The following LHFPL6 variants were observed in gnomAD, a reference collection of about 807,000 sequenced individuals.
The protein encoded by LHFPL6 is LHFPL tetraspan subfamily member 6 protein.
In LHFPL6, 9 loss-of-function variants were observed where a neutral mutation model predicts 20.6. The observed-to-expected ratio is 0.44, with a 90% CI of 0.26 to 0.76. The LOEUF is 0.76. Among genes scored for constraint, LHFPL6 ranks in the 30% least tolerant of loss-of-function variants. The pLI is 0.20. For missense variants in LHFPL6, 218 were observed against 253.5 expected (o/e 0.86, Z 0.95); for synonymous variants, 105 against 98.7 (o/e 1.06, Z -0.38).
chr13:39,452,587 G>A (rs747776333), intron 2 of LHFPL6, among the ~76,000 whole-genome samples: 13 of 152,310 alleles, frequency 8.5e-5, no homozygotes, highest in Non-Finnish European at 1.6e-4. Context: ...GGAGTGTGGG[G>A]TGACAGGAGG....
chr13:39,529,910 G>T (rs926621695), intron 2 of LHFPL6, among the ~76,000 whole-genome samples: 4 of 152,176 alleles, frequency 2.6e-5, no homozygotes, highest in African/African-American at 9.6e-5. Flanking sequence ...AGTTTTGCAC[G>T]AAGTGTCAAG....
intron 2 of LHFPL6, among the ~76,000 whole-genome samples, chr13:39,459,244 G>A (rs1025762008): frequency 1.4e-5 from 2 of 144,274 alleles, no homozygotes; most frequent in Non-Finnish European, 3.1e-5. Context: ...GTGTGTGTTC[G>A]TGTGTATTGT....
chr13:39,428,741 T>C (rs1311871291), intron 2 of LHFPL6, among the ~76,000 whole-genome samples: 1 of 152,186 alleles, frequency 6.6e-6, no homozygotes, highest in Non-Finnish European at 1.5e-5. Context: ...TTTGAATTTC[T>C]CTTTCTTGTT....
intron 2 of LHFPL6, among the ~76,000 whole-genome samples, chr13:39,504,996 T>C (rs1869424663): frequency 6.6e-6 from 1 of 152,228 alleles, no homozygotes; most frequent in South Asian, 2.1e-4. Context: ...TCTAGTTTTT[T>C]CCATCAACTA....
intron 2 of LHFPL6, among the ~76,000 whole-genome samples, chr13:39,562,417 C>CATATATACATAT (rs57302247): frequency 3.5e-5 from 2 of 57,900 alleles, no homozygotes; most frequent in Non-Finnish European, 7.8e-5. Context: ...CACATATACA[C>CATATATACATAT]ATATACATAT....
At chr13:39,459,966 A>G (rs1872652282) in intron 2 of LHFPL6, among the ~76,000 whole-genome samples, 1 of 152,188 alleles carries the variant, frequency 6.6e-6, no homozygotes. Context: ...TTCCACAATT[A>G]TTACAAAGAA....
At chr13:39,385,459 G>T in intron 2 of LHFPL6, among the ~76,000 whole-genome samples, 1 of 152,270 alleles carries the variant, frequency 6.6e-6, no homozygotes, top group East Asian at 1.9e-4. Flanking sequence ...CTGCTGTGAT[G>T]AAAGTCTGTT....
intron 2 of LHFPL6, among the ~76,000 whole-genome samples, chr13:39,451,997 C>T (rs2138421768): frequency 6.6e-6 from 1 of 152,024 alleles, no homozygotes; most frequent in East Asian, 1.9e-4. Flanking sequence ...TGGACCAGGG[C>T]CATGAACTGA....
chr13:39,589,775 A>G (rs1872547860), intron 2 of LHFPL6, among the ~76,000 whole-genome samples: 1 of 152,188 alleles, frequency 6.6e-6, no homozygotes, highest in Non-Finnish European at 1.5e-5. Context: ...TAGCCAGCAC[A>G]CGATCGTCTG....
chr13:39,459,124 G>C (rs1478816418), intron 2 of LHFPL6, among the ~76,000 whole-genome samples: 7 of 151,926 alleles, frequency 4.6e-5, no homozygotes, highest in African/African-American at 1.7e-4. Flanking sequence ...GGACAAGAGG[G>C]AGATAGATTA....
intron 2 of LHFPL6, among the ~76,000 whole-genome samples, chr13:39,466,883 A>C (rs1872817671): frequency 6.6e-6 from 1 of 152,192 alleles, no homozygotes; most frequent in Non-Finnish European, 1.5e-5. Flanking sequence ...AGTATATGTC[A>C]AATATATAAG....
chr13:39,409,767 A>G (rs1399682259), intron 2 of LHFPL6, among the ~76,000 whole-genome samples: 2 of 152,228 alleles, frequency 1.3e-5, no homozygotes, highest in Non-Finnish European at 2.9e-5. Flanking sequence ...TGGTTAGGGA[A>G]GATATAATGT....
chr13:39,601,280 G>A lies in LHFPL6; in HGVS notation c.-64C>T. On this transcript the variant is annotated 5_prime_UTR_variant, in exon 2 of 4. Transcript: ENST00000379589. ...TTCAGGGACTGCAGGAGTGAATGAA[G>A]GTGTGAAATCACCAGGGACCCACAG... is the stretch of plus-strand genomic sequence containing the variant. 1.3e-6 allele frequency: 2 copies of A among 1,492,094 alleles called. No homozygotes were observed. Among genetic ancestry groups the A allele is most frequent in the Non-Finnish European group, 1.8e-6 (2 of 1,110,480 alleles). The allele number at this position is 1,492,094 out of a possible 1,614,324, so 92.4% of individuals were successfully genotyped here.
chr13:39,480,809 A>G (rs1868484817), intron 2 of LHFPL6, among the ~76,000 whole-genome samples: 1 of 152,194 alleles, frequency 6.6e-6, no homozygotes, highest in Non-Finnish European at 1.5e-5. Context: ...TGAAAGAACA[A>G]ATCTTTGATC....
At chr13:39,396,313 C>A (rs1870840864) in intron 2 of LHFPL6, among the ~76,000 whole-genome samples, 2 of 152,146 alleles carry the variant, frequency 1.3e-5, no homozygotes, top group Non-Finnish European at 2.9e-5. Flanking sequence ...TGAAAACTAT[C>A]CTAACCTGGT....
At chr13:39,583,169 C>CTTTTTT (rs34898470) in intron 2 of LHFPL6, among the ~76,000 whole-genome samples, 1 of 114,162 alleles carries the variant, frequency 8.8e-6, no homozygotes, top group African/African-American at 3.4e-5. Context: ...ATGCCAAATT[C>CTTTTTT]TTTTTTTTTT....
At chr13:39,420,533 A>G (rs986762886) in intron 2 of LHFPL6, among the ~76,000 whole-genome samples, 1 of 152,212 alleles carries the variant, frequency 6.6e-6, no homozygotes, top group Admixed American at 6.5e-5. Context: ...GTATAACCCA[A>G]GACTCCCTTC....
At chr13:39,417,938 T>C (rs1228046712) in intron 2 of LHFPL6, among the ~76,000 whole-genome samples, 1 of 152,186 alleles carries the variant, frequency 6.6e-6, no homozygotes, top group Non-Finnish European at 1.5e-5. Context: ...TGTTGCAAGA[T>C]TTAGAGCATT....
At chr13:39,375,605 C>T (rs898032004) in intron 3 of LHFPL6, among the ~76,000 whole-genome samples, 5 of 151,198 alleles carry the variant, frequency 3.3e-5, no homozygotes, top group Non-Finnish European at 5.9e-5. Context: ...GCACGAGAAT[C>T]GCTTAACCTG....
Sources: allele counts gnomAD v4.1 joint callset (sites outside exome capture counted in the v4.1 genomes callset), GRCh38; gene constraint gnomAD v4.1.1; transcripts MANE v1.5; gene names NCBI Gene and HGNC (gene_info 2026-07-23, HGNC 2026-07-21).